PSMA6: variants seen among roughly 807,000 people sequenced by gnomAD.
The protein encoded by PSMA6 is proteasome subunit alpha type-6.
For synonymous variants in PSMA6, 88 were observed against 97.7 expected (o/e 0.90, Z 0.59); for missense variants, 170 against 294.8 (o/e 0.58, Z 3.10).
intron 1 of PSMA6, among the ~76,000 whole-genome samples, chr14:35,302,557 A>G (rs919014954): frequency 6.6e-6 from 1 of 151,632 alleles, no homozygotes; most frequent in Non-Finnish European, 1.5e-5. Context: ...TTTAATCTGA[A>G]ATTTTTTTGT....
chr14:35,292,418 T>A lies in PSMA6; in HGVS notation c.-59T>A. Reference sequence around the variant, plus strand: ...CTGCAACTTCCGGGAGGTGCTTGTGTGCCTGGTGCGGGAGCTACGGGGCCC... The same window carrying A: ...CTGCAACTTCCGGGAGGTGCTTGTGAGCCTGGTGCGGGAGCTACGGGGCCC... On this transcript the variant is annotated 5_prime_UTR_variant, in exon 1 of 7. Coordinates refer to ENST00000261479, the MANE Select transcript of PSMA6 (RefSeq NM_002791.3). 1 of 1,577,216 alleles carries A rather than the reference T, an allele frequency of 6.3e-7. No homozygotes were observed. Among genetic ancestry groups the A allele is most frequent in the Non-Finnish European group, 8.6e-7 (1 of 1,162,742 alleles).
chr14:35,278,647 G>A, exon 1 of PSMA6: 5 of 1,533,854 alleles, frequency 3.3e-6, no homozygotes, highest in Non-Finnish European at 4.4e-6. Context: ...TCCTAGGCTG[G>A]GAGAATGGGA....
At chr14:35,292,325 T>C (rs533005703), upstream of PSMA6, 1 of 1,473,634 alleles carries the variant, frequency 6.8e-7, no homozygotes, top group Non-Finnish European at 9.0e-7. Flanking sequence ...GTGCTCGAAC[T>C]GGCTCCAGAG....
chr14:35,309,228 G>A (rs576873892), intron 3 of PSMA6, among the ~76,000 whole-genome samples: 2 of 152,254 alleles, frequency 1.3e-5, no homozygotes, highest in South Asian at 2.1e-4. Flanking sequence ...GAGAAACTGG[G>A]CTGAGGGCCC....
chr14:35,293,553 A>C (rs2051528575), intron 1 of PSMA6, among the ~76,000 whole-genome samples: 3 of 152,222 alleles, frequency 2.0e-5, no homozygotes, highest in Non-Finnish European at 4.4e-5. Flanking sequence ...TGGTCTGTAA[A>C]TGAGGTTCTC....
chr14:35,280,579 G>A (rs576990573), intron 1 of PSMA6, among the ~76,000 whole-genome samples: 69 of 150,358 alleles, frequency 4.6e-4, no homozygotes, highest in African/African-American at 1.7e-3. Flanking sequence ...ACAGGGTTTC[G>A]TCATGTTGGC....
chr14:35,282,734 C>G (rs562257061), intron 1 of PSMA6, among the ~76,000 whole-genome samples: 2 of 151,880 alleles, frequency 1.3e-5, no homozygotes, highest in Non-Finnish European at 2.9e-5. Context: ...ATGTGCCTGT[C>G]GTCTCAGCTA....
chr14:35,316,434 ACT>A (rs1407489910), intron 6 of PSMA6: 14 of 151,730 alleles, frequency 9.2e-5, no homozygotes, highest in African/African-American at 3.4e-4. Context: ...AACATGGAGC[ACT>A]CTCTGGCTGG....
At chr14:35,312,532 A>AAAAG in intron 4 of PSMA6, among the ~76,000 whole-genome samples, 1 of 144,040 alleles carries the variant, frequency 6.9e-6, no homozygotes, top group Non-Finnish European at 1.5e-5. Context: ...AAAAAAAAAA[A>AAAAG]GTGTTTTTGA....
chr14:35,295,481 C>G (rs915301076), intron 1 of PSMA6, among the ~76,000 whole-genome samples: 1 of 146,548 alleles, frequency 6.8e-6, no homozygotes, highest in Admixed American at 6.9e-5. Flanking sequence ...GACAGAGTTG[C>G]GCTCTTGTTG....
intron 1 of PSMA6, among the ~76,000 whole-genome samples, chr14:35,299,634 A>G (rs1224557802): frequency 6.6e-6 from 1 of 151,922 alleles, no homozygotes; most frequent in African/African-American, 2.4e-5. Flanking sequence ...TTTTTTCTTA[A>G]TTGGCCTTCA....
intron 5 of PSMA6, 186 bp downstream of exon 5, chr14:35,313,245 A>C: frequency 1.9e-6 from 1 of 531,812 alleles, no homozygotes; most frequent in Middle Eastern, 4.9e-4. Flanking sequence ...TTAATTCCTT[A>C]TTTCGTAATG....
At chr14:35,283,363 CAAA>C (rs754386797) in intron 1 of PSMA6, among the ~76,000 whole-genome samples, 2 of 64,854 alleles carry the variant, frequency 3.1e-5, no homozygotes, top group Admixed American at 1.7e-4. Context: ...CCTATCTCTA[CAAA>C]AAAAAAAAAA....
intron 1 of PSMA6, among the ~76,000 whole-genome samples, chr14:35,284,809 T>C (rs1034819796): frequency 1.3e-5 from 2 of 152,230 alleles, no homozygotes; most frequent in African/African-American, 4.8e-5. Flanking sequence ...ATATCTTCAG[T>C]GAATTAAAGG....
intron 1 of PSMA6, among the ~76,000 whole-genome samples, chr14:35,299,056 T>TG (rs1204459402): frequency 6.6e-6 from 1 of 151,764 alleles, no homozygotes; most frequent in Admixed American, 6.6e-5. Flanking sequence ...AGACAGGGTC[T>TG]CACTCTGTCG....
chr14:35,295,409 G>T (rs1231528357), intron 1 of PSMA6, among the ~76,000 whole-genome samples: 1 of 150,438 alleles, frequency 6.6e-6, no homozygotes, highest in Non-Finnish European at 1.5e-5. Flanking sequence ...CATATTATTG[G>T]CAGTGTTTGC....
At chr14:35,307,817 G>A (rs371891460) in intron 1 of PSMA6, among the ~76,000 whole-genome samples, 177 bp from the exon 2 acceptor site, 37 of 152,164 alleles carry the variant, frequency 2.4e-4, no homozygotes, top group African/African-American at 8.9e-4. Context: ...AAGAAATGGA[G>A]TTGGTTTAAC....
chr14:35,313,029 A>G lies in PSMA6; in HGVS notation c.558A>G (p.Lys186=), dbSNP rs746439360. The G allele has an allele frequency of 2.0e-5, 31 of 1,582,896 alleles. 1 individual carries two copies. Among genetic ancestry groups the G allele is most frequent in the African/African-American group, 1.9e-4 (14 of 72,146 alleles). ...TCCTTGAAAAAAAAGTGAAGAAGAA[A>G]TTTGATTGGACATTTGAACAGACAG... The part of the protein sequence containing the change: ...TSFLEKKVKK[K]FDWTFEQTVE... Residue 186 remains lysine, a synonymous_variant, in exon 5 of 7, where the codon AAA becomes AAG. Coordinates refer to ENST00000261479, the MANE Select transcript of PSMA6 (RefSeq NM_002791.3).
chr14:35,294,129 C>G (rs761961813), intron 1 of PSMA6, among the ~76,000 whole-genome samples: 3 of 152,240 alleles, frequency 2.0e-5, no homozygotes, highest in Non-Finnish European at 4.4e-5. Context: ...CCCGCAATCT[C>G]CGCCTCCCGG....
Sources: allele counts gnomAD v4.1 joint callset (sites outside exome capture counted in the v4.1 genomes callset), GRCh38; gene constraint gnomAD v4.1.1; transcripts MANE v1.5; gene names NCBI Gene and HGNC (gene_info 2026-07-23, HGNC 2026-07-21).